The following SAXO1 variants were observed in gnomAD, a reference collection of about 807,000 sequenced individuals.
SAXO1 encodes the protein stabilizer of axonemal microtubules 1.
SAXO1 carries 21 observed loss-of-function variants against 17.5 expected under a neutral mutation model. The ratio of observed to expected loss-of-function variants is 1.20; its 90% CI spans 0.85 to 1.72. The LOEUF (loss-of-function observed/expected upper bound fraction) is 1.72. Ranked by LOEUF, SAXO1 falls within the 40% of genes most tolerant of loss-of-function variation. The pLI is 0.00. For missense variants in SAXO1, 843 were observed against 596.0 expected (o/e 1.41, Z -4.32); for synonymous variants, 274 against 216.5 (o/e 1.27, Z -2.33).
intron 1 of SAXO1, among the ~76,000 whole-genome samples, chr9:18,980,151 C>A (rs1301748622): frequency 1.3e-5 from 2 of 152,110 alleles, no homozygotes; most frequent in African/African-American, 4.8e-5. Context: ...AATTAAAAAG[C>A]TTAATTTAGG....
intron 1 of SAXO1, chr9:19,027,348 C>T (rs1017219837): frequency 2.5e-6 from 2 of 784,944 alleles, no homozygotes; most frequent in African/African-American, 1.7e-5. Context: ...CAGAGTACGA[C>T]TCGCGGGTGA....
intron 3 of SAXO1, among the ~76,000 whole-genome samples, chr9:18,940,614 C>T (rs959027341): frequency 1.3e-5 from 2 of 152,186 alleles, no homozygotes; most frequent in Non-Finnish European, 2.9e-5. Context: ...TTTAGAGGTC[C>T]GTGAACTGTT....
At chr9:19,019,709 G>A (rs938569094) in intron 1 of SAXO1, among the ~76,000 whole-genome samples, 6 of 152,160 alleles carry the variant, frequency 3.9e-5, no homozygotes, top group East Asian at 3.9e-4. Context: ...CAGCCTCGGC[G>A]ACAGTGAGAC....
chr9:18,972,930 C>T (rs906172680), intron 1 of SAXO1, among the ~76,000 whole-genome samples: 1 of 152,144 alleles, frequency 6.6e-6, no homozygotes, highest in Non-Finnish European at 1.5e-5. Context: ...GCAACAGCCT[C>T]CGGTACTCAG....
intron 1 of SAXO1, among the ~76,000 whole-genome samples, chr9:19,010,100 A>G (rs185327780): frequency 2.3e-4 from 35 of 152,106 alleles, no homozygotes; most frequent in Admixed American, 2.3e-3. Flanking sequence ...AAGTGCTGGG[A>G]TTTCAGGCGT....
intron 1 of SAXO1, among the ~76,000 whole-genome samples, chr9:18,981,168 C>G (rs1161362959): frequency 2.0e-5 from 3 of 152,170 alleles, no homozygotes; most frequent in Non-Finnish European, 2.9e-5. Flanking sequence ...CACAGTGCTT[C>G]TAGGTTATTT....
In SAXO1 at chr9:19,017,863, A is replaced by G. The variant is rs920141373; in HGVS notation, c.38+15008T>C. On this transcript the variant is annotated intron_variant, in intron 1 of 3. Transcript: ENST00000380534. ...TTTCAGGCATGCACACAAGTGAACT[A>G]CTGGCATAGAAAACATGGAACTGGC... Among the ~76,000 whole-genome samples the G allele has an allele frequency of 9.2e-5, 14 of 152,304 alleles. No individual in the cohort carries two copies. The East Asian group carries it at 1.9e-3, about 21-fold the overall frequency.
At chr9:19,024,360 C>T (rs1835382462) in intron 1 of SAXO1, among the ~76,000 whole-genome samples, 2 of 151,642 alleles carry the variant, frequency 1.3e-5, no homozygotes, top group African/African-American at 4.9e-5. Context: ...CCAAACACCG[C>T]ATGTTCTCAC....
intron 3 of SAXO1, among the ~76,000 whole-genome samples, chr9:18,937,588 T>G (rs986003151): frequency 6.6e-6 from 1 of 152,148 alleles, no homozygotes; most frequent in African/African-American, 2.4e-5. Flanking sequence ...ACGGTGGTAT[T>G]GGGAGGTGAG....
At chr9:19,009,193 G>C (rs561380769) in intron 1 of SAXO1, among the ~76,000 whole-genome samples, 87 of 152,044 alleles carry the variant, frequency 5.7e-4, no homozygotes, top group African/African-American at 2.1e-3. Context: ...ACTATTTTCT[G>C]TATTTTTAGA....
At chr9:18,943,717 T>C (rs1383916576) in intron 2 of SAXO1, among the ~76,000 whole-genome samples, 1 of 152,182 alleles carries the variant, frequency 6.6e-6, no homozygotes, top group East Asian at 1.9e-4. Flanking sequence ...GATGGCTACC[T>C]AAGCCTACAC....
At position 19,007,301 on chromosome 9, in the gene SAXO1, C is replaced by T. The variant is rs572982805; in HGVS notation, c.38+25570G>A. 1.8e-3 allele frequency among the ~76,000 whole-genome samples: 278 copies of T among 150,562 alleles called. 1 individual carries two copies. The Middle Eastern group carries it at 0.021, about 11-fold the overall frequency. On this transcript the variant is annotated intron_variant, in intron 1 of 3. Coordinates refer to ENST00000380534, the MANE Select transcript of SAXO1 (RefSeq NM_153707.4). ...GGCAGAGGTTGCAGTGAGCTGAGAT[C>T]GTGCCACTGCACTCCAGCCTGGTCA...
In SAXO1 at chr9:19,049,204, C is replaced by G. The variant is rs568477507; in HGVS notation, c.-158+5G>C. 6.5e-4 allele frequency: 101 copies of G among 155,320 alleles called. 1 individual carries two copies. The highest frequency in any genetic ancestry group is 6.6e-3 in the Middle Eastern group (2 of 302). The allele number at this position is 155,320 out of a possible 1,614,324, so 9.6% of individuals were successfully genotyped here. ...AGCATTTCCCCCGGCCAACCACACA[C>G]GTACCCCTAGCAACAGCAAACCCAG... On this transcript the variant is annotated splice_donor_5th_base_variant and intron_variant, in intron 1 of 3. Coordinates refer to the SAXO1 transcript ENST00000542071. This position sits in a 1 kb window ranked among gnomAD's most constrained non-coding sequence, Gnocchi z 5.4.
At chr9:18,978,507 T>G (rs934807659) in intron 1 of SAXO1, among the ~76,000 whole-genome samples, 30 of 152,344 alleles carry the variant, frequency 2.0e-4, no homozygotes, top group African/African-American at 7.2e-4. Flanking sequence ...AGTAATCTTC[T>G]GCTTTATAAA....
chr9:19,016,646 G>C (rs540441144), intron 1 of SAXO1, among the ~76,000 whole-genome samples: 1 of 152,142 alleles, frequency 6.6e-6, no homozygotes, highest in East Asian at 1.9e-4. Context: ...ACAATGCACA[G>C]GACAGGCCCC....
chr9:18,934,857 A>G (rs981702713), intron 3 of SAXO1, among the ~76,000 whole-genome samples: 3 of 152,154 alleles, frequency 2.0e-5, no homozygotes, highest in Admixed American at 6.5e-5. Context: ...ATAGAGTCTT[A>G]TCTTCCCTGC....
At position 19,039,815 on chromosome 9, in the gene SAXO1, G is replaced by A. The variant is rs374462229; in HGVS notation, c.-158+9394C>T. The stretch of plus-strand genomic sequence containing the variant: ...GCCATCTCAGCTCACTGCAACCTCC[G>A]CCTCCCAGGTTCAAGCAATTCTCCT... On this transcript the variant is annotated intron_variant, in intron 1 of 3. Transcript: ENST00000542071. 8.0e-4 allele frequency among the ~76,000 whole-genome samples: 121 copies of A among 152,158 alleles called. 1 individual carries two copies. Among genetic ancestry groups the A allele is most frequent in the African/African-American group, 2.5e-3 (104 of 41,514 alleles).
At chr9:18,943,480 G>A (rs949876102) in intron 2 of SAXO1, among the ~76,000 whole-genome samples, 1 of 152,178 alleles carries the variant, frequency 6.6e-6, no homozygotes, top group Non-Finnish European at 1.5e-5. Context: ...ATTGTAGCAG[G>A]GAACTAAGAG....
chr9:18,992,544 C>T (rs1037885995), intron 1 of SAXO1, among the ~76,000 whole-genome samples: 5 of 152,112 alleles, frequency 3.3e-5, no homozygotes, highest in African/African-American at 1.2e-4. Context: ...ACTTCAAAAT[C>T]TTTTGAGGTG....
Sources: allele counts gnomAD v4.1 joint callset (sites outside exome capture counted in the v4.1 genomes callset), GRCh38; gene constraint gnomAD v4.1.1; non-coding constraint Gnocchi (gnomAD v3.1); transcripts MANE v1.5; gene names NCBI Gene and HGNC (gene_info 2026-07-23, HGNC 2026-07-21).